ZNF571: variants seen among roughly 807,000 people sequenced by gnomAD.
ZNF571 encodes zinc finger protein 571.
Under a neutral mutation model 7.7 loss-of-function variants are expected in ZNF571, and 4 were observed. The ratio of observed to expected loss-of-function variants is 0.52; its 90% CI spans 0.25 to 1.18. The LOEUF is 1.18. ZNF571 is among the 50% of genes most tolerant of loss of function. The pLI, the probability that ZNF571 is intolerant of heterozygous loss-of-function variation, is 0.14. For missense variants in ZNF571, 704 were observed against 726.9 expected (o/e 0.97, Z 0.36); for synonymous variants, 251 against 232.4 (o/e 1.08, Z -0.73).
At chr19:37,588,890 A>C (rs771397993) in intron 1 of ZNF571, among the ~76,000 whole-genome samples, 8 of 152,160 alleles carry the variant, frequency 5.3e-5, no homozygotes, top group Non-Finnish European at 1.2e-4. Context: ...CAAATATATA[A>C]GATATCTAAA....
chr19:37,569,209 T>A lies in ZNF571; in HGVS notation c.137-2918A>T, dbSNP rs2042973540. Among the ~76,000 whole-genome samples, 1 of 151,998 alleles carries A rather than the reference T, an allele frequency of 6.6e-6. No homozygotes were observed. Among genetic ancestry groups the A allele is most frequent in the South Asian group, 2.1e-4 (1 of 4,814 alleles). On this transcript the variant is annotated intron_variant, in intron 3 of 3. Transcript: ENST00000451802. This position sits in a 1 kb window ranked among gnomAD's most constrained non-coding sequence, Gnocchi z 4.4. Reference sequence around the variant, plus strand: ...CTCAAGTGATCCACCTGCCCCGGACTCCCACAGCACTAGGATTACAGGCAT... The same window carrying A: ...CTCAAGTGATCCACCTGCCCCGGACACCCACAGCACTAGGATTACAGGCAT...
At chr19:37,586,890 AGAAGGGGTTCAGGCAGACC>A (rs1255691164) in intron 1 of ZNF571, 145 bp from the exon 2 acceptor site, 1 of 597,236 alleles carries the variant, frequency 1.7e-6, no homozygotes, top group Non-Finnish European at 3.0e-6. Context: ...CAGCTACTGC[AGAAGGGGTTCAGGCAGACC>A]TTTCCTTAAT....
At chr19:37,590,399 A>T (rs2043833634) in intron 1 of ZNF571, among the ~76,000 whole-genome samples, 1 of 151,916 alleles carries the variant, frequency 6.6e-6, no homozygotes, top group Admixed American at 6.6e-5. Flanking sequence ...CCTGGGGGAC[A>T]GAGTGAGGCT....
At chr19:37,576,451 G>A (rs560076260) in intron 3 of ZNF571, among the ~76,000 whole-genome samples, 50 of 152,216 alleles carry the variant, frequency 3.3e-4, no homozygotes, top group Middle Eastern at 3.4e-3. Flanking sequence ...TTAGCAGCTC[G>A]TAAAACCTTA....
chr19:37,589,097 G>A (rs139953368), intron 1 of ZNF571, among the ~76,000 whole-genome samples: 3,278 of 151,802 alleles, frequency 0.022, 127 homozygotes, highest in African/African-American at 0.074. Context: ...CTACTTGGGA[G>A]GCTAAGGCAG....
At chr19:37,571,905 T>C (rs1330915377) in intron 3 of ZNF571, among the ~76,000 whole-genome samples, 1 of 152,252 alleles carries the variant, frequency 6.6e-6, no homozygotes, top group Admixed American at 6.5e-5. Context: ...AGGCATGAGT[T>C]AGCAGTTGAT....
intron 3 of ZNF571, among the ~76,000 whole-genome samples, chr19:37,573,820 G>A (rs1278201991): frequency 1.3e-5 from 2 of 148,704 alleles, no homozygotes; most frequent in East Asian, 1.9e-4. Context: ...GCAACAGAAC[G>A]AGATCCTGTT....
intron 3 of ZNF571, among the ~76,000 whole-genome samples, chr19:37,580,294 C>T (rs1358974970): frequency 3.3e-5 from 5 of 152,242 alleles, no homozygotes; most frequent in Non-Finnish European, 5.9e-5. Flanking sequence ...TGCTACAGCA[C>T]ATTTCTAACA....
Position 37,583,576 on chromosome 19 carries a change from C to T in ZNF571, c.136+395G>A, listed in dbSNP as rs572212063. On this transcript the variant is annotated intron_variant, in intron 3 of 3. Transcript: ENST00000451802. ...GCTGTATTATTAGCAATAGCTGACA[C>T]TGTGACCAGCCTTTATTCACCTGAG... The T allele has an allele frequency of 1.2e-4, 19 of 160,660 alleles. 2 individuals carry two copies. The South Asian group carries it at 3.2e-3, about 27-fold the overall frequency. The allele number at this position is 160,660 out of a possible 1,614,324, so 10.0% of individuals were successfully genotyped here.
At chr19:37,574,382 G>C (rs2043173437) in intron 3 of ZNF571, among the ~76,000 whole-genome samples, 1 of 151,948 alleles carries the variant, frequency 6.6e-6, no homozygotes, top group East Asian at 1.9e-4. Flanking sequence ...CCCCCTCCGA[G>C]CTAATTCAAT....
chr19:37,573,135 CT>C lies in ZNF571; in HGVS notation c.137-6845del, dbSNP rs138972594. On this transcript the variant is annotated intron_variant, in intron 3 of 3. Transcript: ENST00000451802. ...CTAATGCCACCAACCTCTTCCAACT[CT>C]TTTTTTTTTCTTCCAACTCTTTATT... 6.0e-5 allele frequency among the ~76,000 whole-genome samples: 9 copies of C among 150,378 alleles called. No individual in the cohort carries two copies. The South Asian group carries it at 1.0e-3, about 18-fold the overall frequency.
chr19:37,564,939 T>C lies in ZNF571; in HGVS notation c.1489A>G (p.Thr497Ala), dbSNP rs1202921511. 6.2e-7 allele frequency: 1 copy of C among 1,613,980 alleles called. No homozygotes were observed. The highest frequency in any genetic ancestry group is 1.1e-5 in the South Asian group (1 of 91,060). ...TTACATTTGTAGGGCTTTTCACCTG[T>C]ATGAATTCTTTGATGATATGTAAGT... ...TQLTYHQRIHTGEKPYKCKEC... is the reference protein window; with the variant it reads ...TQLTYHQRIHAGEKPYKCKEC... Residue 497 changes from threonine (T) to alanine (A), a missense_variant, in exon 4 of 4, where the codon ACA becomes GCA. Thr to Ala is a moderately conservative substitution (Grantham distance 58). Transcript: ENST00000451802.
chr19:37,576,904 A>G (rs549813983), intron 3 of ZNF571, among the ~76,000 whole-genome samples: 42 of 152,256 alleles, frequency 2.8e-4, no homozygotes, highest in Admixed American at 1.5e-3. Context: ...GGCAGTGCTT[A>G]TATCCCTTTT....
intron 1 of ZNF571, among the ~76,000 whole-genome samples, chr19:37,588,308 A>G (rs75744345): frequency 0.029 from 4,386 of 152,188 alleles, 212 homozygotes; most frequent in African/African-American, 0.099. Context: ...AGAATTGGAA[A>G]AAAATGCCTG....
intron 3 of ZNF571, among the ~76,000 whole-genome samples, chr19:37,578,034 T>C (rs1170593609): frequency 2.0e-5 from 3 of 152,100 alleles, no homozygotes; most frequent in African/African-American, 4.8e-5. Context: ...GCTCGAACCC[T>C]ATAGTAAAGT....
chr19:37,566,310 G>T lies in ZNF571; in HGVS notation c.137-19C>A, dbSNP rs1280288024. The stretch of plus-strand genomic sequence containing the variant: ...TCCAAGTCTGTAGAATAAAAAGAAA[G>T]CAAATTCCTGCTTTTGTTTACAAGG... On this transcript the variant is annotated intron_variant, in intron 3 of 3. Transcript: ENST00000451802. 1 of 1,566,088 alleles carries T rather than the reference G, an allele frequency of 6.4e-7. No homozygotes were observed. Among genetic ancestry groups the T allele is most frequent in the African/African-American group, 1.4e-5 (1 of 72,534 alleles).
At chr19:37,585,976 A>G (rs2043659091) in intron 2 of ZNF571, 1 of 152,244 alleles carries the variant, frequency 6.6e-6, no homozygotes, top group Non-Finnish European at 1.5e-5. Flanking sequence ...TTAGAACCAG[A>G]AAAGGACAAG....
At chr19:37,581,541 C>G (rs1303775908) in intron 3 of ZNF571, among the ~76,000 whole-genome samples, 1 of 150,878 alleles carries the variant, frequency 6.6e-6, no homozygotes, top group Non-Finnish European at 1.5e-5. Flanking sequence ...TCATGGTTCA[C>G]TGCAACCTCG....
Position 37,564,925 on chromosome 19 carries a change from G to C in ZNF571, c.1503C>G (p.Pro501=). The C allele has an allele frequency of 6.2e-7, 1 of 1,613,988 alleles. No homozygotes were observed. Among genetic ancestry groups the C allele is most frequent in the Non-Finnish European group, 8.5e-7 (1 of 1,179,944 alleles). ...YHQRIHTGEK[P]YKCKECDKAF... is the part of the protein sequence containing the mutation. ...CCTTGTCACATTCCTTACATTTGTA[G>C]GGCTTTTCACCTGTATGAATTCTTT... Residue 501 remains proline, a synonymous_variant, in exon 4 of 4, where the codon CCC becomes CCG. Coordinates refer to ENST00000451802, the MANE Select transcript of ZNF571 (RefSeq NM_016536.5).
Sources: gnomAD v4.1 joint callset for allele counts (sites outside exome capture counted in the v4.1 genomes callset) on GRCh38, gnomAD v4.1.1 for gene constraint, Gnocchi (gnomAD v3.1) non-coding constraint, MANE v1.5 for transcripts, NCBI Gene and HGNC (gene_info 2026-07-23, HGNC 2026-07-21) for gene names.